The following ST7 variants were observed in gnomAD, a reference collection of about 807,000 sequenced individuals.
ST7 encodes the protein suppression of tumorigenicity 7.
ST7 carries 28 observed loss-of-function variants against 78.7 expected under a neutral mutation model. That is an observed-to-expected ratio of 0.36 (90% CI 0.26 to 0.49). ST7 has a LOEUF of 0.49. Ranked by LOEUF, ST7 falls within the 20% of genes least tolerant of loss-of-function variation. The probability of loss-of-function intolerance (pLI) is 0.99; values close to 1 mark genes in which losing one functional copy is unlikely to be tolerated. For missense variants in ST7, 418 were observed against 696.0 expected (o/e 0.60, Z 4.49); for synonymous variants, 247 against 249.6 (o/e 0.99, Z 0.10).
At chr7:117,149,626 T>C (rs1474305871) in intron 9 of ST7, among the ~76,000 whole-genome samples, 1 of 150,714 alleles carries the variant, frequency 6.6e-6, no homozygotes, top group African/African-American at 2.4e-5. Context: ...GAAGGCATTG[T>C]TTTTTGAGCC....
At chr7:117,196,751 G>A (rs1034112506) in intron 12 of ST7, among the ~76,000 whole-genome samples, 1 of 142,024 alleles carries the variant, frequency 7.0e-6, no homozygotes, top group Non-Finnish European at 1.5e-5. Flanking sequence ...TTACCTTTTC[G>A]CTCTGTTGAT....
At chr7:116,967,465 C>T (rs776401949) in intron 1 of ST7, 61 of 468,468 alleles carry the variant, frequency 1.3e-4, no homozygotes, top group Non-Finnish European at 2.5e-4. Context: ...GTCAGTGTCC[C>T]AGAGGCAGGT....
At chr7:117,017,352 G>C (rs1266846782) in intron 1 of ST7, among the ~76,000 whole-genome samples, 24 of 152,182 alleles carry the variant, frequency 1.6e-4, no homozygotes, top group Admixed American at 1.6e-3. Context: ...AATAGTTGTT[G>C]AGTGAATGCT....
At chr7:116,983,691 G>A (rs1336761104) in intron 1 of ST7, among the ~76,000 whole-genome samples, 2 of 151,976 alleles carry the variant, frequency 1.3e-5, no homozygotes, top group African/African-American at 2.4e-5. Context: ...TCTCAGTGCC[G>A]CTACCAACCC....
At chr7:117,182,933 A>T (rs1038628456) in intron 10 of ST7, among the ~76,000 whole-genome samples, 1 of 152,192 alleles carries the variant, frequency 6.6e-6, no homozygotes, top group Non-Finnish European at 1.5e-5. Flanking sequence ...TGAAAGATTG[A>T]CGAACAATAA....
intron 15 of ST7, among the ~76,000 whole-genome samples, chr7:117,226,139 G>A (rs1313048592): frequency 1.3e-5 from 2 of 152,128 alleles, no homozygotes; most frequent in Non-Finnish European, 2.9e-5. Context: ...ACCGTGAAAT[G>A]TCAATTGTCT....
intron 2 of ST7, 46 bp from the exon 3 acceptor site, chr7:117,119,515 G>A (rs1226988086): frequency 3.2e-6 from 5 of 1,572,404 alleles, no homozygotes; most frequent in Admixed American, 2.0e-5. Flanking sequence ...TACAGAAGTC[G>A]TAAATGATAA....
chr7:117,014,203 G>A (rs1462855438), intron 1 of ST7, among the ~76,000 whole-genome samples: 6 of 152,168 alleles, frequency 3.9e-5, no homozygotes, highest in Admixed American at 1.3e-4. Context: ...TTTATGTTTC[G>A]TCTTTTGGCA....
At position 117,097,970 on chromosome 7, in the gene ST7, C is replaced by T. The variant is rs73477376; in HGVS notation, c.152-1792C>T. Among the ~76,000 whole-genome samples the T allele has an allele frequency of 6.0e-3, 803 of 133,878 alleles. 8 individuals are homozygous for T. The highest frequency in any genetic ancestry group is 0.022 in the African/African-American group (766 of 35,326). The allele number at this position is 133,878 out of a possible 152,430, so 87.8% of individuals were successfully genotyped here. ...CTCCTCAACTCAACTGTAGCTTCCT[C>T]CTCTTACCTCGCAGTAAGCTGATGA... On this transcript the variant is annotated intron_variant, in intron 1 of 15. Coordinates refer to ENST00000323984, the MANE Select transcript of ST7 (RefSeq NM_001369598.1).
chr7:116,982,122 G>T (rs1198592454), intron 1 of ST7, among the ~76,000 whole-genome samples: 1 of 152,190 alleles, frequency 6.6e-6, no homozygotes, highest in South Asian at 2.1e-4. Flanking sequence ...GTTTAACGTG[G>T]TCTGTCATTG....
At position 116,959,358 on chromosome 7, in the gene ST7, G is replaced by A. The variant is rs750496272; in HGVS notation, c.151+5667G>A. 2.4e-4 allele frequency: 105 copies of A among 435,492 alleles called. No homozygotes were observed. The Admixed American group carries it at 2.7e-3, about 11-fold the overall frequency. 27.0% of individuals were successfully genotyped at this position (435,492 alleles called of 1,614,324 possible). ...TTATCTTATATGAATTATGGTATAT[G>A]TGTGTGATATATGTGGGTCAGTGTT... On this transcript the variant is annotated intron_variant, in intron 1 of 15. Coordinates refer to ENST00000323984, the MANE Select transcript of ST7 (RefSeq NM_001369598.1).
chr7:117,229,673 C>CTT, intron 15 of ST7, 89 bp from the exon 16 acceptor site: 2 of 1,059,504 alleles, frequency 1.9e-6, no homozygotes, highest in South Asian at 1.5e-5. Context: ...AATGCAGAGA[C>CTT]TTAAGCTGCA....
chr7:116,978,752 A>AT (rs1256754443), intron 1 of ST7, among the ~76,000 whole-genome samples: 1 of 151,910 alleles, frequency 6.6e-6, no homozygotes, highest in Admixed American at 6.6e-5. Flanking sequence ...GGTCCAGCTA[A>AT]TTTTTTGTAT....
intron 1 of ST7, among the ~76,000 whole-genome samples, chr7:116,996,536 T>C (rs1007941812): frequency 6.6e-6 from 1 of 152,224 alleles, no homozygotes; most frequent in Non-Finnish European, 1.5e-5. Flanking sequence ...CTTCATCTTA[T>C]CAGGCTTGCT....
intron 1 of ST7, chr7:116,968,365 T>C (rs1419395822): frequency 9.5e-6 from 4 of 421,414 alleles, no homozygotes; most frequent in East Asian, 7.6e-5. Context: ...CCTTCTTCCT[T>C]CTTCTTCCTT....
At chr7:117,207,151 T>TG (rs199912998) in intron 12 of ST7, among the ~76,000 whole-genome samples, 5,207 of 29,120 alleles carry the variant, frequency 0.18, 295 homozygotes, top group African/African-American at 0.29. Flanking sequence ...TTCTTTTCAT[T>TG]TTTTTTTTTT....
chr7:116,997,535 T>C (rs139359047), intron 1 of ST7, among the ~76,000 whole-genome samples: 18,609 of 151,672 alleles, frequency 0.12, 1,219 homozygotes, highest in East Asian at 0.29. Context: ...AGGGTGCTGA[T>C]TGGTGTGTTT....
chr7:117,172,784 T>TGG (rs1808094792), intron 10 of ST7, among the ~76,000 whole-genome samples: 1 of 152,226 alleles, frequency 6.6e-6, no homozygotes, highest in Non-Finnish European at 1.5e-5. Flanking sequence ...TAGCAATCCT[T>TGG]AATGCTGACC....
chr7:117,058,302 T>C (rs574099694), intron 1 of ST7, among the ~76,000 whole-genome samples: 80 of 152,334 alleles, frequency 5.3e-4, no homozygotes, highest in Non-Finnish European at 1.0e-3. Context: ...TTTATTTTTA[T>C]TTTCCAGTGA....
Sources: gnomAD v4.1 joint callset for allele counts (sites outside exome capture counted in the v4.1 genomes callset) on GRCh38, gnomAD v4.1.1 for gene constraint, MANE v1.5 for transcripts, NCBI Gene and HGNC (gene_info 2026-07-23, HGNC 2026-07-21) for gene names.